ZNF597: variants seen among roughly 807,000 people sequenced by gnomAD.
ZNF597 encodes zinc finger protein 597.
A neutral mutation model predicts 7.3 loss-of-function variants in ZNF597; 5 were observed. The ratio of observed to expected loss-of-function variants is 0.68; its 90% confidence interval spans 0.36 to 1.44. The LOEUF is 1.44. Ranked by LOEUF, ZNF597 falls within the 40% of genes most tolerant of loss-of-function variation. ZNF597 has a pLI of 0.04. For missense variants in ZNF597, 585 were observed against 517.9 expected (o/e 1.13, Z -1.26); for synonymous variants, 209 against 185.4 (o/e 1.13, Z -1.04).
chr16:3,441,790 A>C (rs993503243), intron 2 of ZNF597, among the ~76,000 whole-genome samples: 4 of 151,118 alleles, frequency 2.6e-5, no homozygotes, highest in African/African-American at 7.3e-5. Flanking sequence ...ACAACAACAA[A>C]AAAAACTCTG....
At chr16:3,441,877 G>A (rs1187399941) in intron 2 of ZNF597, among the ~76,000 whole-genome samples, 2 of 151,674 alleles carry the variant, frequency 1.3e-5, no homozygotes, top group South Asian at 2.1e-4. Flanking sequence ...CTACTTGGGA[G>A]GCTGGGCCAG....
intron 3 of ZNF597, among the ~76,000 whole-genome samples, chr16:3,438,760 G>C (rs1430118742): frequency 6.6e-6 from 1 of 152,118 alleles, no homozygotes; most frequent in Non-Finnish European, 1.5e-5. Flanking sequence ...GAAAATAACA[G>C]CCAATCTACT....
rs770079829 is a variant in ZNF597, at chr16:3,436,499, G to A, written c.1200C>T (p.Thr400=). The A allele has an allele frequency of 1.6e-5, 26 of 1,614,024 alleles. No homozygotes were observed. The highest frequency in any genetic ancestry group is 2.7e-5 in the African/African-American group (2 of 74,908). ...SHMLAEPFKC[T]VCGKTFKSNL... ...TCGACTTGAAAGTTTTCCCACACACGGTACATTTAAAAGGTTCCGCTAGCA... is the reference window on the plus strand; with the variant it reads ...TCGACTTGAAAGTTTTCCCACACACAGTACATTTAAAAGGTTCCGCTAGCA... Residue 400 remains threonine (T), a synonymous_variant, in exon 4 of 4, where the codon ACC becomes ACT. Coordinates refer to ENST00000301744, the MANE Select transcript of ZNF597 (RefSeq NM_152457.3).
rs1165307851 is a variant in ZNF597 at position 3,433,662 on chromosome 16, A to G, written c.*2762T>C. The G allele has an allele frequency of 6.6e-6, 1 of 152,234 alleles. No individual in the cohort carries two copies. Among genetic ancestry groups the G allele is most frequent in the Admixed American group, 6.5e-5 (1 of 15,288 alleles). 9.4% of individuals were successfully genotyped at this position (152,234 alleles called of 1,614,324 possible). A position where few individuals can be genotyped will look rare whatever the true frequency, so the allele number is the denominator to read the frequency against. On this transcript the variant is annotated 3_prime_UTR_variant, in exon 4 of 4. Transcript: ENST00000301744. ...ACTGTAAACAGAAGGGTGAAATGCC[A>G]TCATCATAAAAAGCCTGAAGCTCAC...
At chr16:3,438,359 A>G (rs190084605) in intron 3 of ZNF597, among the ~76,000 whole-genome samples, 28 of 152,116 alleles carry the variant, frequency 1.8e-4, no homozygotes, top group Admixed American at 4.6e-4. Flanking sequence ...GGAGATCAAG[A>G]CCATCCTGGC....
rs888175692 is a variant in ZNF597, at chr16:3,433,127, T to C, written c.*3297A>G. The C allele has an allele frequency of 1.3e-5, 2 of 152,202 alleles. No individual in the cohort carries two copies. The highest frequency in any genetic ancestry group is 2.9e-5 in the Non-Finnish European group (2 of 68,034). 9.4% of individuals were successfully genotyped at this position (152,202 alleles called of 1,614,324 possible). ...TCATTTGAGTTTTAACTCCCTGAATTATTGGGTTAGTCATTTTCTATGTTA... is the reference window on the plus strand; with the variant it reads ...TCATTTGAGTTTTAACTCCCTGAATCATTGGGTTAGTCATTTTCTATGTTA... On this transcript the variant is annotated 3_prime_UTR_variant, in exon 4 of 4. Transcript: ENST00000301744.
At chr16:3,442,475 A>T (rs946811573) in intron 2 of ZNF597, among the ~76,000 whole-genome samples, 2 of 152,086 alleles carry the variant, frequency 1.3e-5, no homozygotes, top group Non-Finnish European at 1.5e-5. Flanking sequence ...GGAGATTGAG[A>T]CCATCCTGGC....
chr16:3,435,167 T>G lies in ZNF597; in HGVS notation c.*1257A>C, dbSNP rs1182678316. ...ACCAAAACCCAGTTAAGACCTTCAG[T>G]ATTGTACTCTGCCAAGTGTGAAATC... is the stretch of plus-strand genomic sequence containing the variant. On this transcript the variant is annotated 3_prime_UTR_variant, in exon 4 of 4. Coordinates refer to ENST00000301744, the MANE Select transcript of ZNF597 (RefSeq NM_152457.3). 2.0e-5 allele frequency: 3 copies of G among 152,186 alleles called. No homozygotes were observed. The highest frequency in any genetic ancestry group is 7.2e-5 in the African/African-American group (3 of 41,458). 9.4% of individuals were successfully genotyped at this position (152,186 alleles called of 1,614,324 possible).
chr16:3,436,969 T>C lies in ZNF597; in HGVS notation c.730A>G (p.Ile244Val), dbSNP rs1440028141. 5 of 1,614,208 alleles carry C rather than the reference T, an allele frequency of 3.1e-6. No individual in the cohort carries two copies. The South Asian group carries it at 3.3e-5, about 11-fold the overall frequency. ...HVKEKPYTCS[I>V]CGRGFMWLPG... ...AGCCACATAAAACCTCTACCACATA[T>C]GCTACATGTATAGGGCTTCTCCTTT... Residue 244 changes from isoleucine to valine, a missense_variant, in exon 4 of 4, where the codon ATA becomes GTA. Transcript: ENST00000301744.
chr16:3,439,027 C>T (rs1380779911), intron 3 of ZNF597, among the ~76,000 whole-genome samples: 2 of 152,120 alleles, frequency 1.3e-5, no homozygotes, highest in Non-Finnish European at 2.9e-5. Context: ...GAAAGCAAAA[C>T]AGCAAAGAGG....
intron 2 of ZNF597, among the ~76,000 whole-genome samples, chr16:3,442,432 T>A (rs950937628): frequency 2.0e-5 from 3 of 152,046 alleles, no homozygotes; most frequent in African/African-American, 7.2e-5. Flanking sequence ...TTCCAGCACT[T>A]TGGGAGACCG....
At position 3,435,520 on chromosome 16, in the gene ZNF597, T is replaced by C. The variant is rs2034291302; in HGVS notation, c.*904A>G. 1 of 152,036 alleles carries C rather than the reference T, an allele frequency of 6.6e-6. No homozygotes were observed. The allele number at this position is 152,036 out of a possible 1,614,324, so 9.4% of individuals were successfully genotyped here. A position where few individuals can be genotyped will look rare whatever the true frequency, so the allele number is the denominator to read the frequency against. On this transcript the variant is annotated 3_prime_UTR_variant, in exon 4 of 4. Coordinates refer to ENST00000301744, the MANE Select transcript of ZNF597 (RefSeq NM_152457.3). The stretch of plus-strand genomic sequence containing the variant: ...TTTGTGTGCTGGGCAAAGAACTGAC[T>C]TTACCCTCTGAGGACTTCAGTTTCC...
Position 3,437,030 on chromosome 16 carries a change from C to G in ZNF597, c.669G>C (p.Gln223His). The G allele has an allele frequency of 6.2e-7, 1 of 1,614,184 alleles. No individual in the cohort carries two copies. Among genetic ancestry groups the G allele is most frequent in the Non-Finnish European group, 8.5e-7 (1 of 1,180,040 alleles). ...TCATGTGTCGGGATAGATGAGAGTGCTGGCGAAAGCTGGCACTGCACTTGG... is the reference window on the plus strand; with the variant it reads ...TCATGTGTCGGGATAGATGAGAGTGGTGGCGAAAGCTGGCACTGCACTTGG... ...KCAKCSASFR[Q>H]HSHLSRHMNS... Residue 223 changes from glutamine to histidine, a missense_variant, in exon 4 of 4, where the codon CAG becomes CAC. Gln to His is a conservative substitution (Grantham distance 24). Transcript: ENST00000301744.
At chr16:3,439,312 G>A (rs912556090) in intron 3 of ZNF597, among the ~76,000 whole-genome samples, 8 of 152,096 alleles carry the variant, frequency 5.3e-5, no homozygotes, top group Admixed American at 5.2e-4. Context: ...GAGCCTGGGA[G>A]GTCAGGGCTG....
chr16:3,443,137 G>C lies in ZNF597; in HGVS notation c.17C>G (p.Pro6Arg), dbSNP rs375516456. The C allele has an allele frequency of 1.9e-6, 3 of 1,613,550 alleles. No individual in the cohort carries two copies. Among genetic ancestry groups the C allele is most frequent in the Non-Finnish European group, 2.5e-6 (3 of 1,179,750 alleles). The change falls in exon 2 of 4, where the codon CCG (proline) becomes CGG (arginine). Residue 6 changes from proline to arginine, a missense_variant. Coordinates refer to ENST00000301744, the MANE Select transcript of ZNF597 (RefSeq NM_152457.3). MASMP[P>R]TPEAQGPILF... ...TCGACTCACCTGGGCCTCGGGCGTC[G>C]GGGGCATGGACGCCATTTGGCGGGT...
At chr16:3,439,804 T>C (rs2034346847) in intron 3 of ZNF597, among the ~76,000 whole-genome samples, 1 of 151,928 alleles carries the variant, frequency 6.6e-6, no homozygotes, top group African/African-American at 2.4e-5. Flanking sequence ...ATAGAAAATA[T>C]AACCCATAAC....
At position 3,443,497 on chromosome 16, in the gene ZNF597, G is replaced by C. The variant is rs934346779; in HGVS notation, c.-191C>G. On this transcript the variant is annotated 5_prime_UTR_variant, in exon 1 of 4. Coordinates refer to ENST00000301744, the MANE Select transcript of ZNF597 (RefSeq NM_152457.3). ...ATGCTCCTTTACGCAGGAGCTGCGG[G>C]AAAAGCCGCCGGAAGCGACCCGCCC... 2.0e-6 allele frequency: 1 copy of C among 506,256 alleles called. No individual in the cohort carries two copies. Among genetic ancestry groups the C allele is most frequent in the Non-Finnish European group, 3.4e-6 (1 of 290,762 alleles). 31.4% of individuals were successfully genotyped at this position (506,256 alleles called of 1,614,324 possible).
At position 3,443,228 on chromosome 16, in the gene ZNF597, C is replaced by A. The variant is rs551529898; in HGVS notation, c.-53-22G>T. 3.4e-6 allele frequency: 5 copies of A among 1,477,568 alleles called. No individual in the cohort carries two copies. The Admixed American group carries it at 7.5e-5, about 22-fold the overall frequency. The allele number at this position is 1,477,568 out of a possible 1,614,324, so 91.5% of individuals were successfully genotyped here. The stretch of plus-strand genomic sequence containing the variant: ...AAAGCTGCGGGGGGAGAGAACAGTT[C>A]TTAAAGGGACCAATTCCGCTGCCAA... On this transcript the variant is annotated intron_variant, in intron 1 of 3. Transcript: ENST00000301744.
chr16:3,437,478 T>C lies in ZNF597; in HGVS notation c.221A>G (p.Glu74Gly). 1 of 1,614,110 alleles carries C rather than the reference T, an allele frequency of 6.2e-7. No individual in the cohort carries two copies. Among genetic ancestry groups the C allele is most frequent in the Non-Finnish European group, 8.5e-7 (1 of 1,180,020 alleles). Residue 74 changes from glutamate (E) to glycine (G), a missense_variant, in exon 4 of 4, where the codon GAG becomes GGG. Transcript: ENST00000301744. Reference protein sequence around the residue: ...QLSLESMELDELALEKYPIAA... With the variant: ...QLSLESMELDGLALEKYPIAA... ...AATGGGGTACTTTTCTAAGGCAAGC[T>C]CGTCAAGTTCCATAGACTCTAGGCT... is the stretch of plus-strand genomic sequence containing the variant.
Sources: allele counts gnomAD v4.1 joint callset (sites outside exome capture counted in the v4.1 genomes callset), GRCh38; gene constraint gnomAD v4.1.1; transcripts MANE v1.5; gene names NCBI Gene and HGNC (gene_info 2026-07-23, HGNC 2026-07-21).